Variants in CADPS observed in about 807,000 individuals in gnomAD.
The protein encoded by CADPS is calcium-dependent secretion activator 1.
In CADPS, 57 loss-of-function variants were observed where a neutral mutation model predicts 167.3. The ratio of observed to expected loss-of-function variants is 0.34; its 90% CI spans 0.28 to 0.42. The LOEUF is 0.42. Among genes scored for constraint, CADPS ranks in the 20% least tolerant of loss-of-function variants. The probability of loss-of-function intolerance (pLI) is 1.00; values close to 1 mark genes in which losing one functional copy is unlikely to be tolerated. For missense variants in CADPS, 1,414 were observed against 1,738.1 expected, an observed-to-expected ratio of 0.81 and a Z score of 3.32; for synonymous variants, 676 against 635.3, an observed-to-expected ratio of 1.06 and a Z score of -0.96.
At chr3:62,530,639 C>T (rs2073430182) in intron 13 of CADPS, 2 of 1,279,912 alleles carry the variant, frequency 1.6e-6, no homozygotes, top group African/African-American at 1.5e-5. Flanking sequence ...AGCCAATACA[C>T]ACATAACTTC....
Position 62,718,802 on chromosome 3 carries a change from C to T in CADPS, c.888+34639G>A, listed in dbSNP as rs181719240. Reference sequence around the variant, plus strand: ...CTCTGCAGGCAGTGGCACTGCTGTGCGTGGATATCACATTTCCTTCCCAGA... The same window carrying T: ...CTCTGCAGGCAGTGGCACTGCTGTGTGTGGATATCACATTTCCTTCCCAGA... On this transcript the variant is annotated intron_variant, in intron 3 of 29. Coordinates refer to ENST00000383710, the MANE Select transcript of CADPS (RefSeq NM_003716.4). Among the ~76,000 whole-genome samples the T allele has an allele frequency of 4.1e-4, 62 of 152,282 alleles. No homozygotes were observed. The East Asian group carries it at 0.011, about 27-fold the overall frequency.
chr3:62,402,587 T>C (rs1475491024), intron 29 of CADPS, among the ~76,000 whole-genome samples: 1 of 152,238 alleles, frequency 6.6e-6, no homozygotes, highest in African/African-American at 2.4e-5. Flanking sequence ...TTTGATTGTA[T>C]ACACGCATTG....
intron 6 of CADPS, among the ~76,000 whole-genome samples, chr3:62,638,454 C>T (rs2066765973): frequency 6.6e-6 from 1 of 152,012 alleles, no homozygotes; most frequent in South Asian, 2.1e-4. Flanking sequence ...AAAAACAGTC[C>T]AGTTCTTAGA....
chr3:62,748,317 G>A (rs1262082456), intron 3 of CADPS, among the ~76,000 whole-genome samples: 2 of 113,566 alleles, frequency 1.8e-5, no homozygotes, highest in Non-Finnish European at 3.3e-5. Flanking sequence ...CTGCACTCCA[G>A]CCTGGGCGAG....
intron 1 of CADPS, among the ~76,000 whole-genome samples, chr3:62,803,260 A>T (rs143794123): frequency 6.0e-4 from 92 of 152,140 alleles, no homozygotes; most frequent in African/African-American, 2.1e-3. Flanking sequence ...GAAAACACAG[A>T]GAAAGCTTAT....
intron 7 of CADPS, among the ~76,000 whole-genome samples, chr3:62,586,375 A>C (rs1222635651): frequency 6.6e-6 from 1 of 151,888 alleles, no homozygotes; most frequent in Non-Finnish European, 1.5e-5. Context: ...ATGGGTGGAC[A>C]CTCTGGCCTT....
intron 3 of CADPS, among the ~76,000 whole-genome samples, chr3:62,751,234 C>G (rs1351074804): frequency 6.6e-6 from 1 of 152,080 alleles, no homozygotes; most frequent in African/African-American, 2.4e-5. Flanking sequence ...CCAATACACT[C>G]CTGAAACTTA....
chr3:62,566,175 G>T (rs1339005409), intron 9 of CADPS, among the ~76,000 whole-genome samples: 2 of 152,208 alleles, frequency 1.3e-5, no homozygotes, highest in African/African-American at 4.8e-5. Flanking sequence ...CTGTTTTCCA[G>T]GGAGTTCCCT....
At chr3:62,471,279 G>A (rs919042130) in intron 24 of CADPS, among the ~76,000 whole-genome samples, 3 of 152,110 alleles carry the variant, frequency 2.0e-5, no homozygotes, top group African/African-American at 7.2e-5. Context: ...AGCAATTAGT[G>A]GTAAAGAGAA....
At chr3:62,648,144 C>T (rs1045245947) in intron 5 of CADPS, among the ~76,000 whole-genome samples, 4 of 152,128 alleles carry the variant, frequency 2.6e-5, no homozygotes, top group African/African-American at 9.7e-5. Context: ...TCTTGCCTGC[C>T]CTCATTGTGC....
At chr3:62,571,221 A>G (rs535801457) in intron 8 of CADPS, among the ~76,000 whole-genome samples, 1 of 152,306 alleles carries the variant, frequency 6.6e-6, no homozygotes, top group Admixed American at 6.5e-5. Flanking sequence ...GTATGTGCTA[A>G]AAGTCTTTTA....
intron 5 of CADPS, among the ~76,000 whole-genome samples, chr3:62,646,305 C>A (rs988120326): frequency 1.3e-5 from 2 of 151,636 alleles, no homozygotes; most frequent in Non-Finnish European, 2.9e-5. Flanking sequence ...GCTGGGATTA[C>A]AGGTGCACGC....
intron 2 of CADPS, among the ~76,000 whole-genome samples, chr3:62,759,136 G>A (rs1261737265): frequency 6.6e-6 from 1 of 152,118 alleles, no homozygotes. Context: ...AGAACACCTG[G>A]GTTCAAATCC....
chr3:62,547,466 A>G (rs1561964490), intron 11 of CADPS, among the ~76,000 whole-genome samples: 1 of 152,062 alleles, frequency 6.6e-6, no homozygotes, highest in Non-Finnish European at 1.5e-5. Flanking sequence ...TAAAGGAGAC[A>G]GTACAGAAGA....
chr3:62,558,747 C>T (rs768279872), intron 9 of CADPS, among the ~76,000 whole-genome samples: 4 of 152,096 alleles, frequency 2.6e-5, no homozygotes, highest in Non-Finnish European at 1.5e-5. Flanking sequence ...CTGTTGCTGC[C>T]CTCTGTTGGC....
At chr3:62,610,005 C>G (rs988508114) in intron 6 of CADPS, among the ~76,000 whole-genome samples, 3 of 152,028 alleles carry the variant, frequency 2.0e-5, no homozygotes, top group East Asian at 3.9e-4. Context: ...GGGAGAATCG[C>G]TTGAGCCCAG....
chr3:62,622,528 G>C (rs1163288417), intron 6 of CADPS, among the ~76,000 whole-genome samples: 1 of 152,118 alleles, frequency 6.6e-6, no homozygotes, highest in Non-Finnish European at 1.5e-5. Flanking sequence ...AGCTAACCTT[G>C]ATGAAATAAG....
At chr3:62,794,778 TAAAAAAAAA>T (rs71126555) in intron 1 of CADPS, among the ~76,000 whole-genome samples, 1 of 99,930 alleles carries the variant, frequency 1.0e-5, no homozygotes. Context: ...CGCAAGGTGG[TAAAAAAAAA>T]AAAAAAAAAA....
At chr3:62,425,942 C>T (rs1278025481) in intron 28 of CADPS, among the ~76,000 whole-genome samples, 1 of 152,188 alleles carries the variant, frequency 6.6e-6, no homozygotes, top group African/African-American at 2.4e-5. Flanking sequence ...TTCTTTGAGG[C>T]TTCCATCTCA....
Sources: allele counts gnomAD v4.1 joint callset (sites outside exome capture counted in the v4.1 genomes callset), GRCh38; gene constraint gnomAD v4.1.1; transcripts MANE v1.5; gene names NCBI Gene and HGNC (gene_info 2026-07-23, HGNC 2026-07-21).